SPATA33: variants seen among roughly 807,000 people sequenced by gnomAD.
SPATA33 encodes the protein spermatogenesis associated 33.
A neutral mutation model predicts 8.9 loss-of-function variants in SPATA33; 10 were observed. The ratio of observed to expected loss-of-function variants is 1.12; its 90% CI spans 0.69 to 1.90. The LOEUF (loss-of-function observed/expected upper bound fraction) is 1.90, where lower values mean the gene tolerates loss of function less well. SPATA33 is among the 40% of genes most tolerant of loss of function. The pLI, the probability that SPATA33 is intolerant of heterozygous loss-of-function variation, is 0.00. For synonymous variants in SPATA33, 96 were observed against 72.8 expected (o/e 1.32, Z -1.63); for missense variants, 241 against 178.3 (o/e 1.35, Z -2.00).
intron 2 of SPATA33, among the ~76,000 whole-genome samples, chr16:89,663,196 G>A (rs1378352426): frequency 6.6e-6 from 1 of 150,586 alleles, no homozygotes; most frequent in Non-Finnish European, 1.5e-5. Flanking sequence ...CATGCTGAGT[G>A]AAAAAAGCCA....
At chr16:89,661,579 C>T (rs980836366) in intron 2 of SPATA33, 3 of 152,156 alleles carry the variant, frequency 2.0e-5, no homozygotes, top group East Asian at 1.9e-4. Context: ...TATACTGTTA[C>T]CCCTACTACT....
intron 2 of SPATA33, chr16:89,660,907 C>A: frequency 9.5e-7 from 1 of 1,048,680 alleles, no homozygotes; most frequent in Non-Finnish European, 1.1e-6. Flanking sequence ...CTGGCTGGAA[C>A]CTTGAGTCTT....
At position 89,658,252 on chromosome 16, in the gene SPATA33, G is replaced by C. The variant is rs375910613; in HGVS notation, c.42G>C (p.Glu14Asp). ...CGGATGATCCATATATTTCAGGTGA[G>C]GAGCAAAAGAAGGGATCCACCTATT... ...SKSKEKPRKG[E>D]EQKKGSTYSV... The change falls in exon 2 of 3, where the codon GAG (glutamate) becomes GAC (aspartate). Residue 14 changes from glutamate (E) to aspartate (D), a missense_variant. Glu to Asp is a conservative substitution (Grantham distance 45, BLOSUM62 2). Transcript: ENST00000579310. 6.8e-6 allele frequency: 11 copies of C among 1,614,062 alleles called. No individual in the cohort carries two copies. In the African/African-American group the frequency reaches 1.2e-4, roughly 18 times the overall value.
At chr16:89,661,556 C>T (rs1009396329) in intron 2 of SPATA33, 2 of 152,174 alleles carry the variant, frequency 1.3e-5, no homozygotes, top group African/African-American at 2.4e-5. Flanking sequence ...CGGACTAATA[C>T]AGATAGATGT....
intron 2 of SPATA33, chr16:89,661,052 G>T: frequency 1.0e-6 from 1 of 987,578 alleles, no homozygotes; most frequent in Non-Finnish European, 1.2e-6. Context: ...CCTGCCAAAC[G>T]TGTCCTGAAC....
At chr16:89,666,917 G>C (rs536814438) in intron 2 of SPATA33, among the ~76,000 whole-genome samples, 1 of 152,334 alleles carries the variant, frequency 6.6e-6, no homozygotes, top group East Asian at 1.9e-4. Flanking sequence ...CTATCTAAAA[G>C]GCAGAGCCAG....
rs116594023 is a variant in SPATA33 at position 89,669,404 on chromosome 16, G to A, written c.330G>A (p.Gln110=). The change falls in exon 3 of 3, where the codon CAG becomes CAA. Residue 110 remains glutamine (Q), a synonymous_variant. Coordinates refer to ENST00000579310, the MANE Select transcript of SPATA33 (RefSeq NM_001271907.2). ...VSCSSSGSDQ[Q]RTIREPEDWG... is the part of the protein sequence containing the mutation. ...GCAGTTCCAGCGGGAGTGACCAGCAGAGAACCATTCGGGAGCCGGAGGACT... is the reference window on the plus strand; with the variant it reads ...GCAGTTCCAGCGGGAGTGACCAGCAAAGAACCATTCGGGAGCCGGAGGACT... 19 of 1,614,202 alleles carry A rather than the reference G, an allele frequency of 1.2e-5. No individual in the cohort carries two copies. In the East Asian group the frequency reaches 3.3e-4, roughly 28 times the overall value.
Position 89,669,294 on chromosome 16 carries a change from G to T in SPATA33, c.220G>T (p.Asp74Tyr). 1 of 1,614,178 alleles carries T rather than the reference G, an allele frequency of 6.2e-7. No individual in the cohort carries two copies. Among genetic ancestry groups the T allele is most frequent in the Non-Finnish European group, 8.5e-7 (1 of 1,180,038 alleles). Residue 74 changes from aspartate (D) to tyrosine (Y), a missense_variant, in exon 3 of 3, where the codon GAT (aspartate) becomes TAT (tyrosine). Transcript: ENST00000579310. Reference sequence around the variant, plus strand: ...GATGTTTTTTCCTCTAGAGAAACCTGATGTAAAGCAAAAGTCCAGCAGGAA... The same window carrying T: ...GATGTTTTTTCCTCTAGAGAAACCTTATGTAAAGCAAAAGTCCAGCAGGAA... The part of the protein sequence containing the change: ...PPAASLEEKP[D>Y]VKQKSSRKKV...
At chr16:89,666,683 A>C (rs919093839) in intron 2 of SPATA33, among the ~76,000 whole-genome samples, 1 of 152,152 alleles carries the variant, frequency 6.6e-6, no homozygotes, top group African/African-American at 2.4e-5. Flanking sequence ...AGTGGCCCCA[A>C]ATGCCAGGCT....
At chr16:89,663,645 G>A (rs1234680915) in intron 2 of SPATA33, among the ~76,000 whole-genome samples, 2 of 152,096 alleles carry the variant, frequency 1.3e-5, no homozygotes, top group Admixed American at 1.3e-4. Context: ...GGAGTGAGGG[G>A]GTCTGTGAAG....
At chr16:89,667,234 T>C (rs1258040279) in intron 2 of SPATA33, among the ~76,000 whole-genome samples, 2 of 152,210 alleles carry the variant, frequency 1.3e-5, no homozygotes, top group African/African-American at 4.8e-5. Context: ...CTGGTGGCCC[T>C]GTCTGGGCAT....
At chr16:89,658,544 G>T in intron 2 of SPATA33, 123 bp downstream of exon 2, 1 of 1,325,044 alleles carries the variant, frequency 7.5e-7, no homozygotes. Flanking sequence ...CCGTAAAGAT[G>T]AAACTGGTTT....
intron 2 of SPATA33, among the ~76,000 whole-genome samples, chr16:89,668,983 C>T (rs960806059): frequency 2.0e-5 from 3 of 152,164 alleles, no homozygotes; most frequent in Non-Finnish European, 2.9e-5. Context: ...CCTGCCTGGA[C>T]GTGTGCCCTC....
At chr16:89,665,692 T>TA (rs1451290053) in intron 2 of SPATA33, among the ~76,000 whole-genome samples, 1 of 152,192 alleles carries the variant, frequency 6.6e-6, no homozygotes, top group African/African-American at 2.4e-5. Flanking sequence ...TTCAATAGTG[T>TA]AAATACGTTA....
intron 2 of SPATA33, among the ~76,000 whole-genome samples, chr16:89,667,243 A>G (rs569302859): frequency 6.6e-6 from 1 of 152,330 alleles, no homozygotes; most frequent in East Asian, 1.9e-4. Context: ...CTGTCTGGGC[A>G]TAACAAAAGG....
chr16:89,665,862 T>C (rs996273829), intron 2 of SPATA33, among the ~76,000 whole-genome samples: 4 of 151,946 alleles, frequency 2.6e-5, no homozygotes, highest in Non-Finnish European at 5.9e-5. Flanking sequence ...GGTGGATCAC[T>C]TGAGGTCAGG....
chr16:89,664,084 C>T, intron 2 of SPATA33, among the ~76,000 whole-genome samples: 1 of 152,076 alleles, frequency 6.6e-6, no homozygotes, highest in Admixed American at 6.6e-5. Context: ...GTGCCACTGC[C>T]CTCCAGCCCC....
At position 89,658,057 on chromosome 16, in the gene SPATA33, C is replaced by A. The variant is rs780840564; in HGVS notation, c.37+109C>A. The stretch of plus-strand genomic sequence containing the variant: ...GTGAGCGCAGGCGCCAGGCTCGGCC[C>A]GGTGCGAACCGTTCCTGCCGCCGAG... On this transcript the variant is annotated intron_variant, in intron 1 of 2. Transcript: ENST00000579310. 6.2e-6 allele frequency: 9 copies of A among 1,455,772 alleles called. No individual in the cohort carries two copies. The Admixed American group carries it at 1.1e-4, about 18-fold the overall frequency. The allele number at this position is 1,455,772 out of a possible 1,614,324, so 90.2% of individuals were successfully genotyped here.
chr16:89,660,431 G>C (rs1389283037), intron 2 of SPATA33: 1 of 1,228,998 alleles, frequency 8.1e-7, no homozygotes, highest in African/African-American at 1.6e-5. Flanking sequence ...AGCAGTGTCT[G>C]TCACACCAGA....
Sources: allele counts gnomAD v4.1 joint callset (sites outside exome capture counted in the v4.1 genomes callset), GRCh38; gene constraint gnomAD v4.1.1; transcripts MANE v1.5; gene names NCBI Gene and HGNC (gene_info 2026-07-23, HGNC 2026-07-21).